Variants in DPY19L2 observed in about 807,000 individuals in gnomAD.
DPY19L2 encodes the protein probable C-mannosyltransferase DPY19L2.
DPY19L2 carries 34 observed loss-of-function variants against 97.9 expected under a neutral mutation model. The ratio of observed to expected loss-of-function variants is 0.35; its 90% confidence interval spans 0.26 to 0.46. The LOEUF (loss-of-function observed/expected upper bound fraction) is 0.46, where lower values mean the gene tolerates loss of function less well. Ranked by LOEUF, DPY19L2 falls within the 20% of genes least tolerant of loss-of-function variation. DPY19L2 has a pLI of 1.00. For missense variants in DPY19L2, 623 were observed against 911.4 expected (o/e 0.68, Z 4.07); for synonymous variants, 230 against 307.9 (o/e 0.75, Z 2.65).
chr12:63,572,228 C>A (rs1333632230), intron 19 of DPY19L2, among the ~76,000 whole-genome samples: 1 of 152,108 alleles, frequency 6.6e-6, no homozygotes, highest in Non-Finnish European at 1.5e-5. Flanking sequence ...GCAGCACTCA[C>A]CACAAGCTGA....
intron 21 of DPY19L2, among the ~76,000 whole-genome samples, chr12:63,561,628 T>C (rs1405294795): frequency 6.6e-6 from 1 of 151,554 alleles, no homozygotes; most frequent in East Asian, 1.9e-4. Context: ...TTTTTGTTGC[T>C]AAATAATATT....
At chr12:63,611,030 C>T (rs1351780003) in intron 11 of DPY19L2, among the ~76,000 whole-genome samples, 1 of 151,778 alleles carries the variant, frequency 6.6e-6, no homozygotes, top group Non-Finnish European at 1.5e-5. Flanking sequence ...CAATGAGATA[C>T]CACCTCAAAA....
intron 5 of DPY19L2, among the ~76,000 whole-genome samples, chr12:63,646,580 T>G (rs1893440955): frequency 6.6e-6 from 1 of 152,170 alleles, no homozygotes; most frequent in East Asian, 1.9e-4. Flanking sequence ...AACTACAGTG[T>G]TAGTGTTATG....
At chr12:63,593,799 T>TAA (rs58893287) in intron 16 of DPY19L2, among the ~76,000 whole-genome samples, 1 of 151,256 alleles carries the variant, frequency 6.6e-6, no homozygotes, top group African/African-American at 2.4e-5. Context: ...ATAATAAAAA[T>TAA]AAAAAAAAAT....
intron 6 of DPY19L2, among the ~76,000 whole-genome samples, chr12:63,635,782 A>G (rs1381470916): frequency 6.6e-6 from 1 of 152,210 alleles, no homozygotes; most frequent in Non-Finnish European, 1.5e-5. Context: ...ACTATATGAA[A>G]AGACCAAATC....
rs1555189753 is a variant in DPY19L2, at chr12:63,595,848, G to A, written c.1533+118C>T. On this transcript the variant is annotated intron_variant, in intron 15 of 21. Coordinates refer to ENST00000324472, the MANE Select transcript of DPY19L2 (RefSeq NM_173812.5). ...CGATGATGAAAGATCTAAATAAAAA[G>A]CAAACTTTTAGAGAGAGAAAGAGTT... 7 of 925,888 alleles carry A rather than the reference G, an allele frequency of 7.6e-6. No individual in the cohort carries two copies. In the South Asian group the frequency reaches 8.8e-5, roughly 12 times the overall value. The allele number at this position is 925,888 out of a possible 1,614,324, so 57.4% of individuals were successfully genotyped here.
chr12:63,576,060 C>T (rs1156682219), intron 19 of DPY19L2, among the ~76,000 whole-genome samples: 1 of 151,914 alleles, frequency 6.6e-6, no homozygotes, highest in East Asian at 1.9e-4. Flanking sequence ...TACTAGCAAA[C>T]TGAATTCAAT....
At chr12:63,659,446 T>A (rs1781996297) in intron 4 of DPY19L2, among the ~76,000 whole-genome samples, 1 of 148,292 alleles carries the variant, frequency 6.7e-6, no homozygotes. Context: ...CATGTACAAA[T>A]CCAACATATT....
At chr12:63,574,799 G>A (rs569728297) in intron 19 of DPY19L2, among the ~76,000 whole-genome samples, 169 of 151,920 alleles carry the variant, frequency 1.1e-3, no homozygotes, top group Admixed American at 2.9e-3. Context: ...TGGAGCACCC[G>A]GATATATAAA....
At chr12:63,581,901 A>G (rs1383823985) in intron 18 of DPY19L2, among the ~76,000 whole-genome samples, 3 of 151,460 alleles carry the variant, frequency 2.0e-5, no homozygotes, top group Non-Finnish European at 2.9e-5. Flanking sequence ...CCCAGGTTCA[A>G]GCAATTCTCC....
intron 6 of DPY19L2, among the ~76,000 whole-genome samples, chr12:63,640,407 G>A (rs1167923265): frequency 2.0e-5 from 3 of 152,128 alleles, no homozygotes; most frequent in Non-Finnish European, 4.4e-5. Context: ...AAGATTCCTT[G>A]TTTGATTGGA....
At chr12:63,580,170 G>A (rs1592420801) in intron 19 of DPY19L2, among the ~76,000 whole-genome samples, 1 of 105,314 alleles carries the variant, frequency 9.5e-6, no homozygotes, top group Non-Finnish European at 1.9e-5. Context: ...GAATATCCAA[G>A]ATTTTCTCTT....
At chr12:63,640,315 C>T (rs1892493548) in intron 6 of DPY19L2, among the ~76,000 whole-genome samples, 1 of 151,938 alleles carries the variant, frequency 6.6e-6, no homozygotes. Context: ...CAAACCTGCA[C>T]GTTGTGCACA....
chr12:63,633,246 G>C (rs1456958031), intron 6 of DPY19L2, among the ~76,000 whole-genome samples: 1 of 129,040 alleles, frequency 7.7e-6, no homozygotes, highest in African/African-American at 3.5e-5. Flanking sequence ...GCTTCTGCAC[G>C]CAAAAGAAAC....
chr12:63,610,115 A>G (rs1018506744), intron 11 of DPY19L2, among the ~76,000 whole-genome samples: 2 of 151,522 alleles, frequency 1.3e-5, no homozygotes, highest in African/African-American at 4.8e-5. Context: ...AAGGCAAAAG[A>G]CTATCTTTAA....
intron 4 of DPY19L2, among the ~76,000 whole-genome samples, chr12:63,657,463 T>C (rs115375155): frequency 0.033 from 5,081 of 152,230 alleles, 144 homozygotes; most frequent in African/African-American, 0.071. Context: ...CAATTAAGCC[T>C]CAGTCTTAGA....
Position 63,580,653 on chromosome 12 carries a change from C to T in DPY19L2, c.1900+9G>A. 6.3e-7 allele frequency: 1 copy of T among 1,597,272 alleles called. No individual in the cohort carries two copies. The highest frequency in any genetic ancestry group is 1.1e-5 in the South Asian group (1 of 87,150). On this transcript the variant is annotated intron_variant, in intron 19 of 21. Transcript: ENST00000324472. ...TATAAAACTAGCATATAACCAAATA[C>T]CTACACACCTGATGTGGTACTGTAT...
intron 21 of DPY19L2, among the ~76,000 whole-genome samples, chr12:63,567,326 C>T (rs1055297069): frequency 2.0e-5 from 3 of 151,966 alleles, no homozygotes; most frequent in Admixed American, 1.3e-4. Context: ...TGCCATTATG[C>T]TCTTTTTTTC....
chr12:63,613,890 A>T (rs188415966), intron 11 of DPY19L2, among the ~76,000 whole-genome samples: 12 of 152,210 alleles, frequency 7.9e-5, no homozygotes, highest in Admixed American at 7.9e-4. Context: ...AAGTTCTCAA[A>T]GCAAAAAATA....
Sources: allele counts gnomAD v4.1 joint callset (sites outside exome capture counted in the v4.1 genomes callset), GRCh38; gene constraint gnomAD v4.1.1; transcripts MANE v1.5; gene names NCBI Gene and HGNC (gene_info 2026-07-23, HGNC 2026-07-21).